The following TIE1 variants were observed in gnomAD, a reference collection of about 807,000 sequenced individuals.
TIE1 encodes tyrosine-protein kinase receptor Tie-1.
A neutral mutation model predicts 130.5 loss-of-function variants in TIE1; 89 were observed. That is an observed-to-expected ratio of 0.68 (90% CI 0.57 to 0.81). The LOEUF (loss-of-function observed/expected upper bound fraction) is 0.81, where lower values mean the gene tolerates loss of function less well. Among genes scored for constraint, TIE1 ranks in the 40% least tolerant of loss-of-function variants. The probability of loss-of-function intolerance (pLI) is 0.00; values close to 1 mark genes in which losing one functional copy is unlikely to be tolerated. For synonymous variants in TIE1, 568 were observed against 629.4 expected (o/e 0.90, Z 1.46); for missense variants, 1,392 against 1,559.8 (o/e 0.89, Z 1.81).
At position 43,309,533 on chromosome 1, in the gene TIE1, G is replaced by T. The variant is rs1437944270; in HGVS notation, c.1333+1G>T. On this transcript the variant is annotated splice_donor_variant, in intron 9 of 22. Coordinates refer to ENST00000372476, the MANE Select transcript of TIE1 (RefSeq NM_005424.5). LOFTEE classifies it high-confidence loss of function. This position sits in a 1 kb window ranked among gnomAD's most constrained non-coding sequence, Gnocchi z 6.3. Reference sequence around the variant, plus strand: ...CGGCGCTTCAAGGTCAATGTGAAAGGTCAGTGATGTCCTAGGTCCACAGGG... The same window carrying T: ...CGGCGCTTCAAGGTCAATGTGAAAGTTCAGTGATGTCCTAGGTCCACAGGG... 17 of 1,579,614 alleles carry T rather than the reference G, an allele frequency of 1.1e-5. No individual in the cohort carries two copies. The highest frequency in any genetic ancestry group is 1.5e-5 in the Non-Finnish European group (17 of 1,165,420).
rs781229835 is a variant in TIE1 at position 43,317,701 on chromosome 1, C to T, written c.2731+27C>T. On this transcript the variant is annotated intron_variant, in intron 16 of 22. Coordinates refer to ENST00000372476, the MANE Select transcript of TIE1 (RefSeq NM_005424.5). The surrounding 1 kb of genome is among the most constrained non-coding windows in gnomAD (Gnocchi z 5.1). The stretch of plus-strand genomic sequence containing the variant: ...TGAGCCCCCAGCTCATCACCTACCC[C>T]TTCTTCCAAACCCCCATCCTCAGCC... 1 of 1,546,368 alleles carries T rather than the reference C, an allele frequency of 6.5e-7. No homozygotes were observed. Among genetic ancestry groups the T allele is most frequent in the South Asian group, 1.2e-5 (1 of 81,022 alleles).
rs1198866901 is a variant in TIE1 at position 43,318,200 on chromosome 1, C to A, written c.2922+128C>A. On this transcript the variant is annotated intron_variant, in intron 17 of 22. Coordinates refer to ENST00000372476, the MANE Select transcript of TIE1 (RefSeq NM_005424.5). The surrounding 1 kb of genome is among the most constrained non-coding windows in gnomAD (Gnocchi z 4.4). ...CCTGGCCCAAGTGTGTGGGTGGGTG[C>A]AAGCACAGCGAGGAGGCAGGGCCAA... 2.5e-6 allele frequency: 3 copies of A among 1,217,658 alleles called. No homozygotes were observed. The Admixed American group carries it at 9.2e-5, about 37-fold the overall frequency. The allele number at this position is 1,217,658 out of a possible 1,614,324, so 75.4% of individuals were successfully genotyped here.
chr1:43,307,665 G>A lies in TIE1; in HGVS notation c.913+93G>A, dbSNP rs960084341. ...ACTCTGCCTCTGACTTACGCAGCAA[G>A]CCCTCCTGCTCACTTGACCAGTCCT... On this transcript the variant is annotated intron_variant, in intron 6 of 22. Coordinates refer to ENST00000372476, the MANE Select transcript of TIE1 (RefSeq NM_005424.5). This position sits in a 1 kb window ranked among gnomAD's most constrained non-coding sequence, Gnocchi z 5.4. The A allele has an allele frequency of 3.7e-6, 6 of 1,604,300 alleles. No homozygotes were observed. Among genetic ancestry groups the A allele is most frequent in the Middle Eastern group, 3.3e-4 (2 of 6,024 alleles).
Position 43,317,193 on chromosome 1 carries a change from G to C in TIE1, c.2410-6G>C, listed in dbSNP as rs776753685. 2 of 1,613,906 alleles carry C rather than the reference G, an allele frequency of 1.2e-6. No individual in the cohort carries two copies. Among genetic ancestry groups the C allele is most frequent in the South Asian group, 1.1e-5 (1 of 91,076 alleles). On this transcript the variant is annotated splice_polypyrimidine_tract_variant and splice_region_variant and intron_variant, in intron 14 of 22. Transcript: ENST00000372476. This position sits in a 1 kb window ranked among gnomAD's most constrained non-coding sequence, Gnocchi z 5.1. ...ACCGTCTGCCCTCTTGTCTCATCCTGTGAAGGGCGAGGAGACCATCCTGCA... is the reference window on the plus strand; with the variant it reads ...ACCGTCTGCCCTCTTGTCTCATCCTCTGAAGGGCGAGGAGACCATCCTGCA...
At position 43,317,611 on chromosome 1, in the gene TIE1, G is replaced by A. The variant is rs1372855687; in HGVS notation, c.2668G>A (p.Val890Ile). Residue 890 changes from valine to isoleucine, a missense_variant, in exon 16 of 23, where the codon GTT (valine) becomes ATT (isoleucine). Transcript: ENST00000372476. This position sits in a 1 kb window ranked among gnomAD's most constrained non-coding sequence, Gnocchi z 5.1. ...TCGTGACTTTGCGGGAGAACTGGAA[G>A]TTCTGTGCAAATTGGGGCATCACCC... ...DHRDFAGELE[V>I]LCKLGHHPNI... The A allele has an allele frequency of 6.2e-7, 1 of 1,608,894 alleles. No individual in the cohort carries two copies. The highest frequency in any genetic ancestry group is 1.1e-5 in the South Asian group (1 of 90,468).
At chr1:43,321,050 AAAAAC>A (rs1553125878) in intron 19 of TIE1, among the ~76,000 whole-genome samples, 861 of 127,142 alleles carry the variant, frequency 6.8e-3, no homozygotes, top group South Asian at 0.014. Flanking sequence ...AAAAAAAAAA[AAAAAC>A]AAAACAAAAG....
chr1:43,319,067 C>T lies in TIE1; in HGVS notation c.2923-168C>T, dbSNP rs1367860329. Among the ~76,000 whole-genome samples the T allele has an allele frequency of 6.6e-6, 1 of 152,156 alleles. No individual in the cohort carries two copies. The highest frequency in any genetic ancestry group is 2.4e-5 in the African/African-American group (1 of 41,440). On this transcript the variant is annotated intron_variant, in intron 17 of 22. Transcript: ENST00000372476. This position sits in a 1 kb window ranked among gnomAD's most constrained non-coding sequence, Gnocchi z 4.7. The stretch of plus-strand genomic sequence containing the variant: ...CCAGGAACGAGCGGGTGAGAGCCAA[C>T]ACTGATCTTTCTCAGATATGAGTCA...
Position 43,307,767 on chromosome 1 carries a change from C to T in TIE1, c.914-29C>T, listed in dbSNP as rs1231793842. 4.3e-6 allele frequency: 7 copies of T among 1,613,378 alleles called. No homozygotes were observed. The highest frequency in any genetic ancestry group is 5.9e-6 in the Non-Finnish European group (7 of 1,179,412). On this transcript the variant is annotated intron_variant, in intron 6 of 22. Transcript: ENST00000372476. The surrounding 1 kb of genome is among the most constrained non-coding windows in gnomAD (Gnocchi z 5.4). ...GCCCTCATTGCCCCCTGTCCCATGC[C>T]CCTCTAATCATACCTCCTCTATTCC...
In TIE1 at chr1:43,309,761, G is replaced by C. The variant is rs1646770297; in HGVS notation, c.1333+229G>C. 6.6e-6 allele frequency among the ~76,000 whole-genome samples: 1 copy of C among 152,082 alleles called. No individual in the cohort carries two copies. The highest frequency in any genetic ancestry group is 2.4e-5 in the African/African-American group (1 of 41,398). On this transcript the variant is annotated intron_variant, in intron 9 of 22. Coordinates refer to ENST00000372476, the MANE Select transcript of TIE1 (RefSeq NM_005424.5). The surrounding 1 kb of genome is among the most constrained non-coding windows in gnomAD (Gnocchi z 6.3). ...AGGACATCCCGTGCCCCAGAAACTGGGGACACTCTCCAGCCCCGCCCTTCC... is the reference window on the plus strand; with the variant it reads ...AGGACATCCCGTGCCCCAGAAACTGCGGACACTCTCCAGCCCCGCCCTTCC...
intron 14 of TIE1, 142 bp downstream of exon 14, chr1:43,314,110 G>A (rs1646835705): frequency 1.0e-6 from 1 of 959,886 alleles, no homozygotes; most frequent in South Asian, 1.4e-5. Context: ...ACTCAACAAT[G>A]TTCAAGGGTA....
Position 43,305,002 on chromosome 1 carries a change from G to A in TIE1, c.210G>A (p.Val70=), listed in dbSNP as rs1646710930. Residue 70 remains valine, a synonymous_variant, in exon 2 of 23, where the codon GTG becomes GTA. Coordinates refer to ENST00000372476, the MANE Select transcript of TIE1 (RefSeq NM_005424.5). ...PLLLEKDDRI[V]RTPPGPPLRL... is the part of the protein sequence containing the mutation. ...TGCTGGAGAAGGACGACCGTATCGT[G>A]CGCACCCCGCCCGGGCCACCCCTGC... is the stretch of plus-strand genomic sequence containing the variant. 2 of 1,537,138 alleles carry A rather than the reference G, an allele frequency of 1.3e-6. No homozygotes were observed. The highest frequency in any genetic ancestry group is 1.8e-6 in the Non-Finnish European group (2 of 1,141,058).
intron 1 of TIE1, among the ~76,000 whole-genome samples, chr1:43,302,857 G>T (rs149475101): frequency 2.0e-5 from 3 of 152,030 alleles, no homozygotes; most frequent in African/African-American, 7.3e-5. Flanking sequence ...AGGCAGGCTG[G>T]GGGGGTGGGG....
chr1:43,319,443 A>G lies in TIE1; in HGVS notation c.3037-16A>G, dbSNP rs1646892159. The G allele has an allele frequency of 6.2e-7, 1 of 1,613,266 alleles. No individual in the cohort carries two copies. The highest frequency in any genetic ancestry group is 8.5e-7 in the Non-Finnish European group (1 of 1,179,708). On this transcript the variant is annotated splice_polypyrimidine_tract_variant and intron_variant, in intron 18 of 22. Coordinates refer to ENST00000372476, the MANE Select transcript of TIE1 (RefSeq NM_005424.5). This position sits in a 1 kb window ranked among gnomAD's most constrained non-coding sequence, Gnocchi z 4.7. ...CCTTCCTCCACACTCAGCCCCTCAA[A>G]CCCATTCTCTCCTAGGGGCGTCTCC...
rs559460621 is a variant in TIE1 at position 43,310,994 on chromosome 1, G to T, written c.1334-677G>T. 7.2e-4 allele frequency among the ~76,000 whole-genome samples: 110 copies of T among 152,262 alleles called. 1 individual carries two copies. The highest frequency in any genetic ancestry group is 2.6e-3 in the African/African-American group (108 of 41,544). On this transcript the variant is annotated intron_variant, in intron 9 of 22. Transcript: ENST00000372476. ...AAGCACTAATGCAATAATCTGGAGA[G>T]AAAAAGTTGAGGCCAGAATAGGAGC...
rs777935705 is a variant in TIE1 at position 43,307,762 on chromosome 1, C to T, written c.914-34C>T. On this transcript the variant is annotated intron_variant, in intron 6 of 22. Coordinates refer to ENST00000372476, the MANE Select transcript of TIE1 (RefSeq NM_005424.5). The surrounding 1 kb of genome is among the most constrained non-coding windows in gnomAD (Gnocchi z 5.4). ...TCTGTGCCCTCATTGCCCCCTGTCC[C>T]ATGCCCCTCTAATCATACCTCCTCT... is the stretch of plus-strand genomic sequence containing the variant. 1.1e-5 allele frequency: 17 copies of T among 1,613,072 alleles called. No homozygotes were observed. The highest frequency in any genetic ancestry group is 1.3e-5 in the Non-Finnish European group (15 of 1,179,328).
rs1281348029 is a variant in TIE1, at chr1:43,317,793, C to CTTCA, written c.2732-87_2732-84dup. 2 of 1,518,140 alleles carry CTTCA rather than the reference C, an allele frequency of 1.3e-6. No homozygotes were observed. Among genetic ancestry groups the CTTCA allele is most frequent in the African/African-American group, 2.7e-5 (2 of 73,122 alleles). 94.0% of individuals were successfully genotyped at this position (1,518,140 alleles called of 1,614,324 possible). A position where few individuals can be genotyped will look rare whatever the true frequency, so the allele number is the denominator to read the frequency against. On this transcript the variant is annotated intron_variant, in intron 16 of 22. Coordinates refer to ENST00000372476, the MANE Select transcript of TIE1 (RefSeq NM_005424.5). The surrounding 1 kb of genome is among the most constrained non-coding windows in gnomAD (Gnocchi z 5.1). ...GACCTGTGCACCACCCTTGATCCTC[C>CTTCA]TTCATCCCTGTCTGTTACCATCGGG...
chr1:43,317,969 C>A lies in TIE1; in HGVS notation c.2819C>A (p.Ala940Asp). Residue 940 changes from alanine to aspartate, a missense_variant, in exon 17 of 23, where the codon GCT becomes GAT. Ala to Asp is a moderately radical substitution (Grantham distance 126). Coordinates refer to ENST00000372476, the MANE Select transcript of TIE1 (RefSeq NM_005424.5). This position sits in a 1 kb window ranked among gnomAD's most constrained non-coding sequence, Gnocchi z 5.1. The stretch of plus-strand genomic sequence containing the variant: ...AGCCGGGTCCTAGAGACTGACCCAG[C>A]TTTTGCTCGAGAGCATGGGACAGCC... ...RKSRVLETDP[A>D]FAREHGTAST... 1 of 1,613,030 alleles carries A rather than the reference C, an allele frequency of 6.2e-7. No individual in the cohort carries two copies. The highest frequency in any genetic ancestry group is 8.5e-7 in the Non-Finnish European group (1 of 1,179,490).
chr1:43,305,346 A>C lies in TIE1; in HGVS notation c.484+3A>C. ...AGACGTGATCTGGAAGAGCAACGGT[A>C]AAGAGGGGCATTTGAACTGGTGGGG... On this transcript the variant is annotated splice_donor_region_variant and intron_variant, in intron 3 of 22. Transcript: ENST00000372476. 4.8e-6 allele frequency: 1 copy of C among 206,330 alleles called. No homozygotes were observed. The highest frequency in any genetic ancestry group is 5.8e-6 in the Non-Finnish European group (1 of 171,450). The allele number at this position is 206,330 out of a possible 1,614,324, so 12.8% of individuals were successfully genotyped here. A position where few individuals can be genotyped will look rare whatever the true frequency, so the allele number is the denominator to read the frequency against.
In TIE1 at chr1:43,317,060, C is replaced by A; in HGVS notation, c.2410-139C>A. 2 of 819,068 alleles carry A rather than the reference C, an allele frequency of 2.4e-6. No homozygotes were observed. The highest frequency in any genetic ancestry group is 4.1e-6 in the Non-Finnish European group (2 of 485,648). 50.7% of individuals were successfully genotyped at this position (819,068 alleles called of 1,614,324 possible). Reference sequence around the variant, plus strand: ...CCTCTGTCTGCCTGTCTGTCCCTGGCTGACCACCAGGGTGCCCTCCATCTG... The same window carrying A: ...CCTCTGTCTGCCTGTCTGTCCCTGGATGACCACCAGGGTGCCCTCCATCTG... On this transcript the variant is annotated intron_variant, in intron 14 of 22. Coordinates refer to ENST00000372476, the MANE Select transcript of TIE1 (RefSeq NM_005424.5). The surrounding 1 kb of genome is among the most constrained non-coding windows in gnomAD (Gnocchi z 5.1).
Sources: gnomAD v4.1 joint callset for allele counts (sites outside exome capture counted in the v4.1 genomes callset) on GRCh38, gnomAD v4.1.1 for gene constraint, Gnocchi (gnomAD v3.1) non-coding constraint, MANE v1.5 for transcripts, NCBI Gene and HGNC (gene_info 2026-07-23, HGNC 2026-07-21) for gene names.